Variants in EFCAB13 observed in about 807,000 individuals in gnomAD.
EFCAB13 encodes EF-hand calcium-binding domain-containing protein 13.
Under a neutral mutation model 110.2 loss-of-function variants are expected in EFCAB13, and 91 were observed. That is an observed-to-expected ratio of 0.83 (90% CI 0.70 to 0.98). The LOEUF is 0.98. Among genes scored for constraint, EFCAB13 ranks in the 50% least tolerant of loss-of-function variants. EFCAB13 has a pLI of 0.00. For missense variants in EFCAB13, 968 were observed against 1,119.4 expected, an observed-to-expected ratio of 0.86 and a Z score of 1.93; for synonymous variants, 323 against 369.9, an observed-to-expected ratio of 0.87 and a Z score of 1.45.
At chr17:47,328,178 TTACATTGAAG>T in intron 3 of EFCAB13, 81 bp from the exon 4 acceptor site, 2 of 663,714 alleles carry the variant, frequency 3.0e-6, no homozygotes, top group Admixed American at 2.7e-5. Flanking sequence ...CAAGTCAGTG[TTACATTGAAG>T]AGATAACTTC....
intron 6 of EFCAB13, among the ~76,000 whole-genome samples, chr17:47,343,546 G>A (rs938953227): frequency 5.9e-5 from 9 of 152,094 alleles, no homozygotes; most frequent in African/African-American, 2.2e-4. Flanking sequence ...TCAATCTTGT[G>A]TAACGTGAGA....
intron 12 of EFCAB13, among the ~76,000 whole-genome samples, chr17:47,375,807 A>C (rs985771900): frequency 3.9e-5 from 6 of 152,170 alleles, no homozygotes; most frequent in African/African-American, 1.4e-4. Context: ...ACAAGTAGGA[A>C]ATCTGTGTGA....
intron 5 of EFCAB13, among the ~76,000 whole-genome samples, chr17:47,339,699 CAA>C (rs60578114): frequency 1.6e-4 from 12 of 77,350 alleles, no homozygotes; most frequent in East Asian, 3.3e-4. Context: ...GACTCCATCT[CAA>C]AAAAAAAAAA....
At chr17:47,384,495 A>G (rs1264602436) in intron 14 of EFCAB13, among the ~76,000 whole-genome samples, 1 of 151,660 alleles carries the variant, frequency 6.6e-6, no homozygotes, top group Non-Finnish European at 1.5e-5. Flanking sequence ...TCCCTTCTTA[A>G]TATTTAGTGC....
rs369154753 is a variant in EFCAB13, at chr17:47,363,415, A to G, written c.805+1894A>G. Among the ~76,000 whole-genome samples, 29 of 151,456 alleles carry G rather than the reference A, an allele frequency of 1.9e-4. No individual in the cohort carries two copies. In the East Asian group the frequency reaches 2.7e-3, roughly 14 times the overall value. ...GATAGTCAGTCATTTAATATCTACT[A>G]TGCCTGGAACTGTGCTAGGTGATGC... On this transcript the variant is annotated intron_variant, in intron 10 of 24. Coordinates refer to ENST00000331493, the MANE Select transcript of EFCAB13 (RefSeq NM_152347.5).
intron 20 of EFCAB13, among the ~76,000 whole-genome samples, chr17:47,408,683 T>A (rs993447754): frequency 2.6e-5 from 4 of 152,030 alleles, no homozygotes; most frequent in African/African-American, 9.7e-5. Context: ...ATAAAAAGTA[T>A]AATCAAATCC....
chr17:47,409,860 A>G (rs938309727), intron 21 of EFCAB13, among the ~76,000 whole-genome samples, 169 bp downstream of exon 21: 10 of 152,112 alleles, frequency 6.6e-5, no homozygotes, highest in Non-Finnish European at 1.5e-4. Context: ...ATAACTCTTC[A>G]AACATTTCCT....
At chr17:47,426,013 G>A (rs1226699273) in intron 23 of EFCAB13, among the ~76,000 whole-genome samples, 2 of 152,158 alleles carry the variant, frequency 1.3e-5, no homozygotes, top group Non-Finnish European at 2.9e-5. Context: ...GATATTTTTA[G>A]TAGATTAAGA....
intron 22 of EFCAB13, among the ~76,000 whole-genome samples, chr17:47,413,563 C>A (rs1034993149): frequency 2.0e-5 from 3 of 152,018 alleles, no homozygotes; most frequent in Non-Finnish European, 2.9e-5. Flanking sequence ...TTTAAGAATA[C>A]CTCTCCAGTA....
At chr17:47,424,872 A>ATTTTT (rs1459453287) in intron 23 of EFCAB13, among the ~76,000 whole-genome samples, 2 of 68,342 alleles carry the variant, frequency 2.9e-5, no homozygotes. Context: ...CCGGTTGACA[A>ATTTTT]TCTTTTTTTT....
intron 23 of EFCAB13, chr17:47,423,532 C>T (rs1235628226): frequency 2.4e-5 from 7 of 287,106 alleles, no homozygotes; most frequent in Non-Finnish European, 4.5e-5. Context: ...TCTCCCGATC[C>T]CCGGCCGTGC....
intron 10 of EFCAB13, among the ~76,000 whole-genome samples, chr17:47,368,072 T>TATAATGATC (rs1178982783): frequency 2.0e-5 from 3 of 152,166 alleles, no homozygotes; most frequent in African/African-American, 7.2e-5. Context: ...CATTATTCCA[T>TATAATGATC]ATAATGATCA....
At chr17:47,360,342 A>T (rs975629842) in intron 9 of EFCAB13, among the ~76,000 whole-genome samples, 8 of 151,940 alleles carry the variant, frequency 5.3e-5, no homozygotes, top group Non-Finnish European at 8.8e-5. Flanking sequence ...ATGGTATCTC[A>T]TTGTGGTTTT....
intron 24 of EFCAB13, among the ~76,000 whole-genome samples, chr17:47,433,239 T>C (rs1478890902): frequency 6.6e-6 from 1 of 152,210 alleles, no homozygotes; most frequent in Non-Finnish European, 1.5e-5. Context: ...TTGGGATGAA[T>C]ACCCCGAAGG....
At chr17:47,412,123 A>G (rs2065839067) in intron 21 of EFCAB13, among the ~76,000 whole-genome samples, 1 of 152,206 alleles carries the variant, frequency 6.6e-6, no homozygotes, top group African/African-American at 2.4e-5. Flanking sequence ...CAAAAACCAG[A>G]AAAATTAAAA....
chr17:47,429,413 G>A (rs1905061493), intron 23 of EFCAB13, among the ~76,000 whole-genome samples: 1 of 152,104 alleles, frequency 6.6e-6, no homozygotes, highest in African/African-American at 2.4e-5. Flanking sequence ...TACTTGAAAG[G>A]CACAGTGGTT....
At chr17:47,358,750 C>G (rs1379944762) in intron 9 of EFCAB13, among the ~76,000 whole-genome samples, 1 of 152,098 alleles carries the variant, frequency 6.6e-6, no homozygotes, top group Non-Finnish European at 1.5e-5. Flanking sequence ...ATAGTACACA[C>G]ATACATTTTC....
intron 23 of EFCAB13, among the ~76,000 whole-genome samples, chr17:47,420,560 G>A (rs370610933): frequency 4.7e-5 from 7 of 148,120 alleles, no homozygotes; most frequent in South Asian, 2.2e-4. Flanking sequence ...CTGCCCGGCC[G>A]CCCATCGTCT....
chr17:47,370,637 C>A, intron 11 of EFCAB13, 129 bp downstream of exon 11: 3 of 567,696 alleles, frequency 5.3e-6, no homozygotes, highest in East Asian at 3.3e-5. Context: ...CCTCTTAAAT[C>A]AAGGAGATAA....
Sources: allele counts gnomAD v4.1 joint callset (sites outside exome capture counted in the v4.1 genomes callset), GRCh38; gene constraint gnomAD v4.1.1; transcripts MANE v1.5; gene names NCBI Gene and HGNC (gene_info 2026-07-23, HGNC 2026-07-21).